ZMYND11: variants seen among roughly 807,000 people sequenced by gnomAD.
The protein encoded by ZMYND11 is zinc finger MYND domain-containing protein 11.
Under a neutral mutation model 84.9 loss-of-function variants are expected in ZMYND11, and 9 were observed. That is an observed-to-expected ratio of 0.11 (90% confidence interval 0.06 to 0.18). ZMYND11 has a LOEUF of 0.18. Among genes scored for constraint, ZMYND11 ranks in the 10% least tolerant of loss-of-function variants. ZMYND11 has a pLI of 1.00. For missense variants in ZMYND11, 409 were observed against 761.0 expected, an observed-to-expected ratio of 0.54 and a Z score of 5.44; for synonymous variants, 250 against 244.1, an observed-to-expected ratio of 1.02 and a Z score of -0.23.
At chr10:164,175 G>T (rs1843493388) in intron 1 of ZMYND11, among the ~76,000 whole-genome samples, 1 of 152,082 alleles carries the variant, frequency 6.6e-6, no homozygotes, top group Admixed American at 6.6e-5. Context: ...TTTAATCTCA[G>T]TATAGCTCTC....
intron 1 of ZMYND11, among the ~76,000 whole-genome samples, chr10:140,749 A>G (rs577444507): frequency 6.6e-6 from 1 of 152,352 alleles, no homozygotes; most frequent in East Asian, 1.9e-4. Flanking sequence ...AATCAGATAG[A>G]AGTAGAAATA....
At chr10:238,716 T>A (rs1345731562) in intron 6 of ZMYND11, among the ~76,000 whole-genome samples, 1 of 151,974 alleles carries the variant, frequency 6.6e-6, no homozygotes, top group Non-Finnish European at 1.5e-5. Flanking sequence ...AAGATAAGGG[T>A]AAATGAAGGT....
At chr10:182,776 CTAAGG>C (rs1256906755) in intron 2 of ZMYND11, among the ~76,000 whole-genome samples, 2 of 152,106 alleles carry the variant, frequency 1.3e-5, no homozygotes, top group Non-Finnish European at 2.9e-5. Flanking sequence ...TTAAACTTGC[CTAAGG>C]TAAGTTAGGA....
intron 5 of ZMYND11, 140 bp downstream of exon 5, chr10:237,055 TTTC>T: frequency 1.3e-6 from 1 of 764,036 alleles, no homozygotes. Flanking sequence ...TCATGTCATA[TTTC>T]TTTTTTGCAG....
intron 2 of ZMYND11, among the ~76,000 whole-genome samples, chr10:188,731 T>C (rs1044278140): frequency 2.0e-5 from 3 of 152,302 alleles, no homozygotes; most frequent in Middle Eastern, 6.8e-3. Context: ...CCAAACAAAT[T>C]AGTCACATCT....
At chr10:230,404 C>T (rs1472440716) in intron 4 of ZMYND11, among the ~76,000 whole-genome samples, 5 of 132,426 alleles carry the variant, frequency 3.8e-5, no homozygotes, top group African/African-American at 1.1e-4. Context: ...ACCCTGGATG[C>T]GGAGGTTGTA....
rs1259546040 is a variant in ZMYND11, at chr10:253,895, C to CT, written c.*1426dup. The CT allele has an allele frequency of 6.6e-6, 1 of 152,588 alleles. No homozygotes were observed. The highest frequency in any genetic ancestry group is 6.5e-5 in the Admixed American group (1 of 15,276). The allele number at this position is 152,588 out of a possible 1,614,324, so 9.5% of individuals were successfully genotyped here. On this transcript the variant is annotated 3_prime_UTR_variant, in exon 15 of 15. Transcript: ENST00000381604. ...GGTCACTCTAAAGATAAAAATGTAA[C>CT]TAAGTCTTCTGTGAAATATCATCCA...
chr10:250,776 C>T (rs1477054264), intron 14 of ZMYND11, among the ~76,000 whole-genome samples: 1 of 152,178 alleles, frequency 6.6e-6, no homozygotes, highest in South Asian at 2.1e-4. Flanking sequence ...GGTGCTCACA[C>T]CTGTAATTCC....
intron 9 of ZMYND11, 96 bp downstream of exon 9, chr10:241,066 A>G: frequency 1.1e-6 from 1 of 950,544 alleles, no homozygotes; most frequent in Non-Finnish European, 1.6e-6. Flanking sequence ...CTAAATTTTT[A>G]AAATATCATA....
rs77797931 is a variant in ZMYND11, at chr10:236,995, G to A, written c.516+80G>A. 4.1e-3 allele frequency: 5,464 copies of A among 1,348,214 alleles called. 169 individuals carry two copies. The African/African-American group carries it at 0.069, about 17-fold the overall frequency. The allele number at this position is 1,348,214 out of a possible 1,614,324, so 83.5% of individuals were successfully genotyped here. ...TTCATTCTTTCAAAGTTGAATGATC[G>A]AGAAGTAACAAATATGTACATAGCA... is the stretch of plus-strand genomic sequence containing the variant. On this transcript the variant is annotated intron_variant, in intron 5 of 14. Transcript: ENST00000381604.
chr10:157,092 C>T lies in ZMYND11; in HGVS notation c.-20+21533C>T, dbSNP rs534940926. 2.0e-5 allele frequency among the ~76,000 whole-genome samples: 3 copies of T among 152,190 alleles called. No individual in the cohort carries two copies. The South Asian group carries it at 6.2e-4, about 32-fold the overall frequency. On this transcript the variant is annotated intron_variant, in intron 1 of 14. Transcript: ENST00000381604. ...TGAACTTTTGATGCCTAGCACTTGGCAATTTCAGGAAAATAATTTAGATTT... is the reference window on the plus strand; with the variant it reads ...TGAACTTTTGATGCCTAGCACTTGGTAATTTCAGGAAAATAATTTAGATTT...
intron 2 of ZMYND11, among the ~76,000 whole-genome samples, chr10:186,889 A>T (rs1036255807): frequency 2.6e-5 from 4 of 152,092 alleles, no homozygotes; most frequent in Non-Finnish European, 5.9e-5. Context: ...TATCTCCCCA[A>T]GAAAGAGAGT....
At chr10:226,096 C>T (rs1039627353) in intron 4 of ZMYND11, among the ~76,000 whole-genome samples, 10 of 152,118 alleles carry the variant, frequency 6.6e-5, no homozygotes, top group Non-Finnish European at 1.2e-4. Flanking sequence ...TATACCACTC[C>T]AAGAAAGCAT....
chr10:213,069 C>T (rs936454210), intron 3 of ZMYND11, among the ~76,000 whole-genome samples: 1 of 152,124 alleles, frequency 6.6e-6, no homozygotes, highest in African/African-American at 2.4e-5. Flanking sequence ...ACATGCATCT[C>T]GTACTGACCA....
intron 10 of ZMYND11, among the ~76,000 whole-genome samples, chr10:244,155 A>G (rs1304042645): frequency 6.6e-6 from 1 of 152,194 alleles, no homozygotes. Flanking sequence ...TATACTTTAT[A>G]GTCTTCCATA....
chr10:146,584 T>A (rs1838904010), intron 1 of ZMYND11, among the ~76,000 whole-genome samples: 1 of 152,226 alleles, frequency 6.6e-6, no homozygotes, highest in African/African-American at 2.4e-5. Context: ...ATCTTTCACC[T>A]CCTCTGTTCA....
upstream of ZMYND11, chr10:134,570 C>T (rs1189834562): frequency 6.6e-6 from 1 of 152,220 alleles, no homozygotes; most frequent in Non-Finnish European, 1.5e-5. Context: ...TTAGCGTATC[C>T]CTACCGCTCT....
intron 1 of ZMYND11, among the ~76,000 whole-genome samples, chr10:166,078 T>C (rs1161026669): frequency 1.3e-5 from 2 of 152,094 alleles, no homozygotes; most frequent in Non-Finnish European, 2.9e-5. Flanking sequence ...TTGGACCACC[T>C]ACCTCACATC....
intron 10 of ZMYND11, among the ~76,000 whole-genome samples, chr10:243,269 T>G (rs1951414403): frequency 6.6e-6 from 1 of 152,152 alleles, no homozygotes; most frequent in African/African-American, 2.4e-5. Context: ...ACATAGTGAG[T>G]ACTCAATAAA....
Sources: allele counts gnomAD v4.1 joint callset (sites outside exome capture counted in the v4.1 genomes callset), GRCh38; gene constraint gnomAD v4.1.1; transcripts MANE v1.5; gene names NCBI Gene and HGNC (gene_info 2026-07-23, HGNC 2026-07-21).